PTPRK: variants seen among roughly 807,000 people sequenced by gnomAD.
PTPRK encodes the protein protein tyrosine phosphatase receptor type K.
PTPRK carries 75 observed loss-of-function variants against 178.0 expected under a neutral mutation model. That is an observed-to-expected ratio of 0.42 (90% CI 0.35 to 0.51). The LOEUF is 0.51. PTPRK is among the 20% of genes least tolerant of loss of function. PTPRK has a pLI of 0.02. For missense variants in PTPRK, 1,441 were observed against 1,797.8 expected (o/e 0.80, Z 3.59); for synonymous variants, 637 against 620.6 (o/e 1.03, Z -0.39).
In PTPRK at chr6:127,985,701, C is replaced by T. The variant is rs1224641071; in HGVS notation, c.3251+20G>A. ...AAAAGCTGATTGCATACAGTCAATA[C>T]CATTTGGACCACCACTTACCTGCAA... On this transcript the variant is annotated intron_variant, in intron 22 of 29. Transcript: ENST00000368226. 3.1e-6 allele frequency: 5 copies of T among 1,598,436 alleles called. No individual in the cohort carries two copies. Among genetic ancestry groups the T allele is most frequent in the East Asian group, 2.2e-5 (1 of 44,636 alleles).
chr6:128,062,214 T>G (rs74921639), intron 13 of PTPRK: 2 of 158,044 alleles, frequency 1.3e-5, no homozygotes, highest in Non-Finnish European at 3.0e-5. Context: ...TTTTCTTTTC[T>G]TTTTTTTTTC....
At chr6:128,013,287 C>T (rs539887559) in intron 13 of PTPRK, among the ~76,000 whole-genome samples, 20 of 151,550 alleles carry the variant, frequency 1.3e-4, no homozygotes, top group African/African-American at 4.3e-4. Flanking sequence ...CCTCTTGACA[C>T]TGTGTTCCAT....
intron 7 of PTPRK, among the ~76,000 whole-genome samples, chr6:128,105,818 G>A (rs548251989): frequency 8.5e-5 from 13 of 152,262 alleles, no homozygotes; most frequent in East Asian, 1.9e-4. Flanking sequence ...TACAGCCTGC[G>A]TCATTACCAT....
rs770507932 is a variant in PTPRK at position 128,089,781 on chromosome 6, T to C, written c.1374A>G (p.Pro458=). ...TCTTGAGGCTGACATTTGTATAAGG[T>C]GGCAGATGGTTCACAACATGCTGAG... The part of the protein sequence containing the change: ...KAPQHVVNHL[P]PYTNVSLKMI... Residue 458 remains proline, a synonymous_variant, in exon 8 of 30, where the codon CCA becomes CCG. Transcript: ENST00000368226. 2.5e-6 allele frequency: 4 copies of C among 1,613,626 alleles called. No homozygotes were observed. In the South Asian group the frequency reaches 3.3e-5, roughly 13 times the overall value.
intron 5 of PTPRK, among the ~76,000 whole-genome samples, chr6:128,221,801 G>A (rs572809069): frequency 9.1e-4 from 138 of 151,592 alleles, no homozygotes; most frequent in African/African-American, 3.1e-3. Context: ...TGGATAATAA[G>A]GAACTGAAAA....
chr6:128,199,040 A>G (rs1805430453), intron 6 of PTPRK, among the ~76,000 whole-genome samples: 1 of 152,182 alleles, frequency 6.6e-6, no homozygotes, highest in African/African-American at 2.4e-5. Context: ...TATATGAGAA[A>G]TTAAGAAAAT....
intron 2 of PTPRK, among the ~76,000 whole-genome samples, chr6:128,332,934 A>C (rs560366317): frequency 6.6e-6 from 1 of 152,344 alleles, no homozygotes; most frequent in South Asian, 2.1e-4. Flanking sequence ...TCTTGTTTTA[A>C]GATTTTTCCA....
chr6:128,137,666 T>C (rs1795201034), intron 7 of PTPRK, among the ~76,000 whole-genome samples: 1 of 152,088 alleles, frequency 6.6e-6, no homozygotes, highest in Non-Finnish European at 1.5e-5. Context: ...ACCTTTGCAG[T>C]AATACATAGT....
At chr6:128,332,597 T>C (rs559637907) in intron 2 of PTPRK, among the ~76,000 whole-genome samples, 2 of 152,240 alleles carry the variant, frequency 1.3e-5, no homozygotes, top group Non-Finnish European at 2.9e-5. Context: ...CTAGAAAATG[T>C]ATGAAGAGAA....
At chr6:127,980,375 C>T (rs1775170727) in intron 25 of PTPRK, among the ~76,000 whole-genome samples, 1 of 151,708 alleles carries the variant, frequency 6.6e-6, no homozygotes, top group African/African-American at 2.4e-5. Flanking sequence ...TCCTGTATTC[C>T]AAGTTACTCA....
chr6:128,115,036 A>G (rs1261886450), intron 7 of PTPRK, among the ~76,000 whole-genome samples: 2 of 151,998 alleles, frequency 1.3e-5, no homozygotes, highest in Non-Finnish European at 2.9e-5. Context: ...CTAAAATGCA[A>G]TCCCATTATG....
chr6:128,110,525 C>T (rs17055290), intron 7 of PTPRK, among the ~76,000 whole-genome samples: 3,435 of 151,910 alleles, frequency 0.023, 106 homozygotes, highest in African/African-American at 0.048. Context: ...ACCAGTCACC[C>T]CATAGAGCTA....
At chr6:128,222,476 C>A (rs1423418127) in intron 5 of PTPRK, among the ~76,000 whole-genome samples, 1 of 152,178 alleles carries the variant, frequency 6.6e-6, no homozygotes, top group African/African-American at 2.4e-5. Context: ...TCCTCCCTAA[C>A]CCAGTCCTGT....
At chr6:128,007,801 T>C (rs1303735119) in intron 14 of PTPRK, among the ~76,000 whole-genome samples, 5 of 151,050 alleles carry the variant, frequency 3.3e-5, no homozygotes, top group Non-Finnish European at 7.4e-5. Context: ...TTAACTTTAC[T>C]CTCTAAATTG....
chr6:128,142,988 T>C (rs773936061), intron 7 of PTPRK, among the ~76,000 whole-genome samples: 2 of 152,130 alleles, frequency 1.3e-5, no homozygotes, highest in Admixed American at 6.6e-5. Context: ...TATTGACTTA[T>C]TTCTCAAATA....
At chr6:128,007,499 T>G (rs546966676) in intron 14 of PTPRK, among the ~76,000 whole-genome samples, 30 of 151,004 alleles carry the variant, frequency 2.0e-4, no homozygotes, top group African/African-American at 6.5e-4. Context: ...GAAAATCAAG[T>G]TGTCATATTA....
At chr6:128,469,833 T>C (rs1263784946) in intron 1 of PTPRK, among the ~76,000 whole-genome samples, 1 of 151,988 alleles carries the variant, frequency 6.6e-6, no homozygotes, top group African/African-American at 2.4e-5. Context: ...GATGACAGTG[T>C]GGGCTTTAAA....
In PTPRK at chr6:128,190,490, C is replaced by CTTTTTTTTTTTT. The variant is rs34873441; in HGVS notation, c.869-5777_869-5766dup. On this transcript the variant is annotated intron_variant, in intron 6 of 29. Coordinates refer to ENST00000368226, the MANE Select transcript of PTPRK (RefSeq NM_002844.4). ...ACCCATCAATTCAAGTGATAGATAC[C>CTTTTTTTTTTTT]TTTTTTTTTTTTTTTTTTTTTTTTT... Among the ~76,000 whole-genome samples the CTTTTTTTTTTTT allele has an allele frequency of 1.6e-4, 15 of 96,130 alleles. 2 individuals are homozygous for CTTTTTTTTTTTT. The highest frequency in any genetic ancestry group is 6.9e-4 in the African/African-American group (13 of 18,976). The allele number at this position is 96,130 out of a possible 152,430, so 63.1% of individuals were successfully genotyped here. A position where few individuals can be genotyped will look rare whatever the true frequency, so the allele number is the denominator to read the frequency against.
intron 7 of PTPRK, among the ~76,000 whole-genome samples, chr6:128,130,578 G>T (rs1376892671): frequency 2.0e-5 from 3 of 152,056 alleles, no homozygotes; most frequent in African/African-American, 4.8e-5. Context: ...AGTCATTATC[G>T]AGTGAAAGGG....
Sources: allele counts gnomAD v4.1 joint callset (sites outside exome capture counted in the v4.1 genomes callset), GRCh38; gene constraint gnomAD v4.1.1; transcripts MANE v1.5; gene names NCBI Gene and HGNC (gene_info 2026-07-23, HGNC 2026-07-21).